KCNS3: variants seen among roughly 807,000 people sequenced by gnomAD.
KCNS3 encodes delayed-rectifier potassium channel regulatory subunit KCNS3.
A neutral mutation model predicts 31.0 loss-of-function variants in KCNS3; 13 were observed. The ratio of observed to expected loss-of-function variants is 0.42; its 90% CI spans 0.27 to 0.67. The LOEUF is 0.67. Ranked by LOEUF, KCNS3 falls within the 30% of genes least tolerant of loss-of-function variation. KCNS3 has a pLI of 0.25. For synonymous variants in KCNS3, 238 were observed against 241.5 expected (o/e 0.99, Z 0.13); for missense variants, 545 against 622.4 (o/e 0.88, Z 1.32).
intron 1 of KCNS3, among the ~76,000 whole-genome samples, chr2:17,888,025 G>GT (rs138099414): frequency 0.063 from 9,474 of 151,344 alleles, 732 homozygotes; most frequent in African/African-American, 0.19. Flanking sequence ...GGGATTTTTT[G>GT]TTTTTTTTGT....
At chr2:17,905,891 A>G (rs896307495) in intron 1 of KCNS3, among the ~76,000 whole-genome samples, 1 of 152,188 alleles carries the variant, frequency 6.6e-6, no homozygotes, top group African/African-American at 2.4e-5. Context: ...TTTTGCATCG[A>G]TGTTCATCAA....
rs1451582977 is a variant in KCNS3 at position 17,932,591 on chromosome 2, C to G, written c.*107C>G. On this transcript the variant is annotated 3_prime_UTR_variant, in exon 3 of 3. Transcript: ENST00000304101. ...AAATCATTTAATTCTCAGGGTGTAC[C>G]TTTCAGCCATAGTTGGACATTCATT... 29 of 1,205,938 alleles carry G rather than the reference C, an allele frequency of 2.4e-5. No individual in the cohort carries two copies. The highest frequency in any genetic ancestry group is 5.0e-5 in the Admixed American group (2 of 40,176). 74.7% of individuals were successfully genotyped at this position (1,205,938 alleles called of 1,614,324 possible). A position where few individuals can be genotyped will look rare whatever the true frequency, so the allele number is the denominator to read the frequency against.
At chr2:17,895,257 T>C (rs1661998936) in intron 1 of KCNS3, among the ~76,000 whole-genome samples, 1 of 152,178 alleles carries the variant, frequency 6.6e-6, no homozygotes, top group Non-Finnish European at 1.5e-5. Context: ...TCTGGCAACA[T>C]ACTACAGCAA....
At chr2:17,921,293 A>G (rs1318524465) in intron 2 of KCNS3, among the ~76,000 whole-genome samples, 2 of 152,234 alleles carry the variant, frequency 1.3e-5, no homozygotes, top group African/African-American at 4.8e-5. Flanking sequence ...TGATTAACTC[A>G]TAGCCATCTT....
At chr2:17,898,883 A>G (rs887484410) in intron 1 of KCNS3, among the ~76,000 whole-genome samples, 2 of 152,142 alleles carry the variant, frequency 1.3e-5, no homozygotes, top group African/African-American at 4.8e-5. Flanking sequence ...TGTACTTTCA[A>G]TTCCAGTTCT....
intron 1 of KCNS3, among the ~76,000 whole-genome samples, chr2:17,890,751 G>T (rs1047639851): frequency 6.6e-6 from 1 of 152,074 alleles, no homozygotes; most frequent in East Asian, 1.9e-4. Context: ...TTTCCTTTTG[G>T]AGTTGATTTC....
chr2:17,881,590 G>A (rs1311619264), intron 1 of KCNS3, among the ~76,000 whole-genome samples: 1 of 152,190 alleles, frequency 6.6e-6, no homozygotes, highest in African/African-American at 2.4e-5. Flanking sequence ...TATTATCACC[G>A]TATTTTACAG....
chr2:17,898,097 A>T (rs1461913661), intron 1 of KCNS3, among the ~76,000 whole-genome samples: 3 of 152,140 alleles, frequency 2.0e-5, no homozygotes, highest in African/African-American at 7.2e-5. Flanking sequence ...TTTGTTGAAG[A>T]TCAGATGGTT....
At chr2:17,886,955 C>T (rs1444419539) in intron 1 of KCNS3, among the ~76,000 whole-genome samples, 2 of 144,222 alleles carry the variant, frequency 1.4e-5, no homozygotes. Context: ...AAGCAGGTTC[C>T]CCAGACTTGT....
At chr2:17,907,993 T>A (rs976095987) in intron 1 of KCNS3, among the ~76,000 whole-genome samples, 3 of 152,218 alleles carry the variant, frequency 2.0e-5, no homozygotes, top group African/African-American at 7.2e-5. Flanking sequence ...TTTCCTGAAT[T>A]TGAATGTTGG....
rs371006942 is a variant in KCNS3 at position 17,916,239 on chromosome 2, TG to T, written c.-251-1440del. Among the ~76,000 whole-genome samples, 9 of 152,334 alleles carry T rather than the reference TG, an allele frequency of 5.9e-5. No homozygotes were observed. In the East Asian group the frequency reaches 1.7e-3, roughly 29 times the overall value. ...CTGATAGGGAAAGGAAAACTATGTGTGTGCTATATCCTTTTACCAAGGTGCA... is the reference window on the plus strand; with the variant it reads ...CTGATAGGGAAAGGAAAACTATGTGTTGCTATATCCTTTTACCAAGGTGCA... On this transcript the variant is annotated intron_variant, in intron 1 of 2. Transcript: ENST00000304101.
intron 1 of KCNS3, among the ~76,000 whole-genome samples, chr2:17,902,477 C>G (rs1662202073): frequency 6.6e-6 from 1 of 152,024 alleles, no homozygotes; most frequent in South Asian, 2.1e-4. Flanking sequence ...TACAAAAGGT[C>G]TAGTCTTAGC....
At chr2:17,913,286 C>T (rs775367597) in intron 1 of KCNS3, among the ~76,000 whole-genome samples, 2 of 152,196 alleles carry the variant, frequency 1.3e-5, no homozygotes, top group Non-Finnish European at 2.9e-5. Context: ...GACTACAAAA[C>T]TGACATGAAT....
intron 1 of KCNS3, among the ~76,000 whole-genome samples, chr2:17,886,064 C>T (rs569099001): frequency 2.0e-5 from 3 of 152,060 alleles, no homozygotes; most frequent in Non-Finnish European, 2.9e-5. Context: ...GGCCATAGAA[C>T]GGAAAGTTAT....
At chr2:17,921,436 A>G (rs1013153783) in intron 2 of KCNS3, among the ~76,000 whole-genome samples, 2 of 152,210 alleles carry the variant, frequency 1.3e-5, no homozygotes, top group African/African-American at 4.8e-5. Context: ...TAATTATATT[A>G]CTATTGGGAC....
In KCNS3 at chr2:17,918,668, A is replaced by G. The variant is rs1015865362; in HGVS notation, c.-60+797A>G. On this transcript the variant is annotated intron_variant, in intron 2 of 2. Coordinates refer to ENST00000304101, the MANE Select transcript of KCNS3 (RefSeq NM_002252.5). ...TACTAGATTGTGGGCAGCACTTAGC[A>G]TAAGGGGCTATAGCTGTAAGAGGAT... Among the ~76,000 whole-genome samples the G allele has an allele frequency of 4.6e-5, 7 of 152,374 alleles. No homozygotes were observed. In the East Asian group the frequency reaches 1.3e-3, roughly 29 times the overall value.
chr2:17,907,917 T>C (rs1662375748), intron 1 of KCNS3, among the ~76,000 whole-genome samples: 1 of 152,190 alleles, frequency 6.6e-6, no homozygotes, highest in African/African-American at 2.4e-5. Context: ...TCAACTTTGG[T>C]GGATCTGACA....
intron 1 of KCNS3, among the ~76,000 whole-genome samples, chr2:17,910,263 T>C (rs1393426084): frequency 1.3e-5 from 2 of 152,228 alleles, no homozygotes; most frequent in African/African-American, 4.8e-5. Flanking sequence ...CTTCAATAAC[T>C]CTGATAGGAT....
chr2:17,921,749 G>A (rs1375861917), intron 2 of KCNS3, among the ~76,000 whole-genome samples: 24 of 151,246 alleles, frequency 1.6e-4, no homozygotes, highest in African/African-American at 5.8e-4. Context: ...TAACAATCAT[G>A]AAAAAAGCAA....
Sources: allele counts gnomAD v4.1 joint callset (sites outside exome capture counted in the v4.1 genomes callset), GRCh38; gene constraint gnomAD v4.1.1; transcripts MANE v1.5; gene names NCBI Gene and HGNC (gene_info 2026-07-23, HGNC 2026-07-21).